Variants in GBP6 observed in about 807,000 individuals in gnomAD.
GBP6 encodes guanylate-binding protein 6.
GBP6 carries 54 observed loss-of-function variants against 61.5 expected under a neutral mutation model. That is an observed-to-expected ratio of 0.88 (90% CI 0.71 to 1.10). GBP6 has a LOEUF of 1.10. Ranked by LOEUF, GBP6 falls within the 50% of genes least tolerant of loss-of-function variation. GBP6 has a pLI of 0.00. For missense variants in GBP6, 748 were observed against 752.8 expected (o/e 0.99, Z 0.07); for synonymous variants, 255 against 273.7 (o/e 0.93, Z 0.67).
Position 89,386,697 on chromosome 1 carries a change from G to A in GBP6, c.*1228G>A, listed in dbSNP as rs546579891. On this transcript the variant is annotated 3_prime_UTR_variant, in exon 11 of 11. Coordinates refer to ENST00000370456, the MANE Select transcript of GBP6 (RefSeq NM_198460.3). ...CCTTTCTCTGAATTCAAGTTTTAAG[G>A]TGTTAGAAGCATAAATTACCAAACA... 5.6e-4 allele frequency among the ~76,000 whole-genome samples: 86 copies of A among 152,264 alleles called. No homozygotes were observed. The highest frequency in any genetic ancestry group is 2.0e-3 in the African/African-American group (82 of 41,542).
At chr1:89,383,981 A>G in intron 9 of GBP6, 112 bp from the exon 10 acceptor site, 1 of 1,132,104 alleles carries the variant, frequency 8.8e-7, no homozygotes, top group Non-Finnish European at 1.2e-6. Flanking sequence ...ACCTGGGTGA[A>G]TTCTGTGATT....
At position 89,385,254 on chromosome 1, in the gene GBP6, G is replaced by T; in HGVS notation, c.1687G>T (p.Gly563Ter). 6.2e-7 allele frequency: 1 copy of T among 1,613,552 alleles called. No homozygotes were observed. Among genetic ancestry groups the T allele is most frequent in the Non-Finnish European group, 8.5e-7 (1 of 1,179,542 alleles). ...GGTCCAAAATGATTGGCTTCATGAA[G>T]GATTTAAGAAGAAGTATGAGGAGAT... ...QKVQNDWLHE[G>*]FKKKYEEMNA... is the part of the protein sequence containing the mutation. Residue 563 changes from glycine to a stop codon, truncating the protein, a stop_gained, in exon 11 of 11, where the codon GGA (glycine) becomes TGA (stop). Transcript: ENST00000370456. LOFTEE classifies it low-confidence loss of function (END_TRUNC).
rs770409239 is a variant in GBP6, at chr1:89,380,592, A to AC, written c.834dup (p.Lys279GlnfsTer44). ...TTCTTACATCTTCACTCATGCAAGA[A>AC]CCAAGACCCTCAGGGAGGGAATCAC... On this transcript the variant is annotated frameshift_variant, in exon 6 of 11. Coordinates refer to ENST00000370456, the MANE Select transcript of GBP6 (RefSeq NM_198460.3). LOFTEE classifies it high-confidence loss of function. 1 of 1,614,002 alleles carries AC rather than the reference A, an allele frequency of 6.2e-7. No homozygotes were observed. The highest frequency in any genetic ancestry group is 1.3e-5 in the African/African-American group (1 of 74,930).
Position 89,382,644 on chromosome 1 carries a change from T to C in GBP6, c.1153-20T>C. ...CCTCCATGTTTCTTCTGGTGACATC[T>C]CTCTACATTTCCCTTGCAGGAAACC... On this transcript the variant is annotated intron_variant, in intron 7 of 10. Transcript: ENST00000370456. The C allele has an allele frequency of 6.3e-7, 1 of 1,598,030 alleles. No individual in the cohort carries two copies. The highest frequency in any genetic ancestry group is 8.6e-7 in the Non-Finnish European group (1 of 1,165,556).
chr1:89,382,690 T>C lies in GBP6; in HGVS notation c.1179T>C (p.Asp393=). 6.2e-7 allele frequency: 1 copy of C among 1,614,106 alleles called. No homozygotes were observed. The highest frequency in any genetic ancestry group is 8.5e-7 in the Non-Finnish European group (1 of 1,179,966). The change falls in exon 8 of 11, where the codon GAT becomes GAC. Residue 393 remains aspartate, a synonymous_variant. Coordinates refer to ENST00000370456, the MANE Select transcript of GBP6 (RefSeq NM_198460.3). The stretch of plus-strand genomic sequence containing the variant: ...AAACCACAATGAATAAGAAGGGGGA[T>C]TTCTTGCTGCAGAATGAAGAGTCAT... ...FMETTMNKKG[D]FLLQNEESSV...
intron 1 of GBP6, among the ~76,000 whole-genome samples, chr1:89,366,714 A>T (rs1463947959): frequency 6.6e-6 from 1 of 152,172 alleles, no homozygotes; most frequent in Non-Finnish European, 1.5e-5. Context: ...TACATAATAA[A>T]ATTACTATTT....
At chr1:89,381,609 T>G in intron 6 of GBP6, 85 bp from the exon 7 acceptor site, 2 of 1,380,480 alleles carry the variant, frequency 1.4e-6, no homozygotes, top group Non-Finnish European at 2.0e-6. Flanking sequence ...TGTATGTAAG[T>G]GCATGTGTGT....
At position 89,378,136 on chromosome 1, in the gene GBP6, C is replaced by G; in HGVS notation, c.352C>G (p.Leu118Val). ...TAAGAATGACTCCTGGATCTTTGCC[C>G]TGGCTGTGCTCCTGTGCAGCACCTT... is the stretch of plus-strand genomic sequence containing the variant. ...DPKNDSWIFA[L>V]AVLLCSTFVY... The change falls in exon 4 of 11, where the codon CTG becomes GTG. Residue 118 changes from leucine to valine, a missense_variant. Leu to Val is a conservative substitution (Grantham distance 32, BLOSUM62 1). Coordinates refer to ENST00000370456, the MANE Select transcript of GBP6 (RefSeq NM_198460.3). The G allele has an allele frequency of 6.2e-7, 1 of 1,613,290 alleles. No homozygotes were observed. Among genetic ancestry groups the G allele is most frequent in the Non-Finnish European group, 8.5e-7 (1 of 1,179,772 alleles).
intron 3 of GBP6, 89 bp downstream of exon 3, chr1:89,369,762 A>G (rs560404514): frequency 6.9e-7 from 1 of 1,458,170 alleles, no homozygotes; most frequent in African/African-American, 1.4e-5. Flanking sequence ...CAAACTAGAA[A>G]TCCAACTATA....
intron 3 of GBP6, among the ~76,000 whole-genome samples, chr1:89,370,062 C>T (rs1271378602): frequency 1.3e-5 from 2 of 152,162 alleles, no homozygotes; most frequent in Non-Finnish European, 2.9e-5. Context: ...AATCCCTGCC[C>T]TCTGTCAATT....
At chr1:89,372,170 C>G (rs1283642492) in intron 3 of GBP6, among the ~76,000 whole-genome samples, 5 of 152,168 alleles carry the variant, frequency 3.3e-5, no homozygotes, top group African/African-American at 1.2e-4. Context: ...AAAGAGGACA[C>G]AAACAAATGG....
intron 5 of GBP6, 102 bp downstream of exon 5, chr1:89,378,715 G>C: frequency 1.1e-6 from 1 of 910,268 alleles, no homozygotes; most frequent in Non-Finnish European, 1.7e-6. Context: ...AGACTAGATT[G>C]AGGTCTGTAG....
At chr1:89,369,424 A>C in intron 2 of GBP6, 122 bp from the exon 3 acceptor site, 1 of 1,180,680 alleles carries the variant, frequency 8.5e-7, no homozygotes, top group South Asian at 2.0e-5. Flanking sequence ...TTCTTGAGGA[A>C]ATACAGAAAG....
Position 89,384,619 on chromosome 1 carries a change from G to A in GBP6, c.1662+333G>A, listed in dbSNP as rs776427122. Reference sequence around the variant, plus strand: ...ATATGTTCCACACAGTGTATTTGATGTGAACAGCAGCTGGTTTCCTTCACC... The same window carrying A: ...ATATGTTCCACACAGTGTATTTGATATGAACAGCAGCTGGTTTCCTTCACC... On this transcript the variant is annotated intron_variant, in intron 10 of 10. Coordinates refer to ENST00000370456, the MANE Select transcript of GBP6 (RefSeq NM_198460.3). Among the ~76,000 whole-genome samples, 20 of 152,274 alleles carry A rather than the reference G, an allele frequency of 1.3e-4. 1 individual carries two copies. The highest frequency in any genetic ancestry group is 6.2e-4 in the South Asian group (3 of 4,822).
chr1:89,385,334 T>TA lies in GBP6; in HGVS notation c.1768dup (p.Thr590AsnfsTer14). The TA allele has an allele frequency of 6.2e-7, 1 of 1,614,168 alleles. No individual in the cohort carries two copies. On this transcript the variant is annotated frameshift_variant, in exon 11 of 11. Transcript: ENST00000370456. LOFTEE classifies it low-confidence loss of function (END_TRUNC). ...TGATTGATACTACAAAAAATGATGA[T>TA]ACTCCCTGGATTGCACGAACCTTGG...
At chr1:89,372,337 A>G (rs1474472454) in intron 3 of GBP6, among the ~76,000 whole-genome samples, 1 of 152,240 alleles carries the variant, frequency 6.6e-6, no homozygotes, top group Non-Finnish European at 1.5e-5. Flanking sequence ...TGGAACCAAA[A>G]AAGAGCCCAC....
In GBP6 at chr1:89,386,662, G is replaced by A. The variant is rs1292355011; in HGVS notation, c.*1193G>A. Reference sequence around the variant, plus strand: ...GGCCTTTGAAATCTCAGCTACAGTAGCCTCTACTTCCTTTCTCTGAATTCA... The same window carrying A: ...GGCCTTTGAAATCTCAGCTACAGTAACCTCTACTTCCTTTCTCTGAATTCA... On this transcript the variant is annotated 3_prime_UTR_variant, in exon 11 of 11. Coordinates refer to ENST00000370456, the MANE Select transcript of GBP6 (RefSeq NM_198460.3). Among the ~76,000 whole-genome samples, 2 of 152,166 alleles carry A rather than the reference G, an allele frequency of 1.3e-5. No individual in the cohort carries two copies. Among genetic ancestry groups the A allele is most frequent in the East Asian group, 3.8e-4 (2 of 5,200 alleles).
intron 3 of GBP6, among the ~76,000 whole-genome samples, chr1:89,370,186 CT>C (rs1652587920): frequency 1.3e-5 from 2 of 152,204 alleles, no homozygotes; most frequent in Admixed American, 6.5e-5. Flanking sequence ...CCCTGGAAAA[CT>C]TTCTCATTAA....
chr1:89,375,875 T>C (rs1348097991), intron 3 of GBP6, among the ~76,000 whole-genome samples: 1 of 152,190 alleles, frequency 6.6e-6, no homozygotes, highest in Admixed American at 6.5e-5. Context: ...CTGGTATTTT[T>C]ACGGCTTCAT....
Sources: allele counts gnomAD v4.1 joint callset (sites outside exome capture counted in the v4.1 genomes callset), GRCh38; gene constraint gnomAD v4.1.1; transcripts MANE v1.5; gene names NCBI Gene and HGNC (gene_info 2026-07-23, HGNC 2026-07-21).